TPCN1: variants seen among roughly 807,000 people sequenced by gnomAD.
TPCN1 encodes two pore segment channel 1.
A neutral mutation model predicts 108.8 loss-of-function variants in TPCN1; 52 were observed. The observed-to-expected ratio is 0.48, with a 90% confidence interval of 0.38 to 0.60. The LOEUF is 0.60. Among genes scored for constraint, TPCN1 ranks in the 20% least tolerant of loss-of-function variants. TPCN1 has a pLI of 0.00. For synonymous variants in TPCN1, 446 were observed against 433.7 expected (o/e 1.03, Z -0.35); for missense variants, 806 against 1,072.8 (o/e 0.75, Z 3.47).
At chr12:113,251,027 G>A (rs1335926056) in intron 2 of TPCN1, among the ~76,000 whole-genome samples, 3 of 151,948 alleles carry the variant, frequency 2.0e-5, no homozygotes, top group Non-Finnish European at 4.4e-5. Context: ...TTCCGGCCAG[G>A]TGCAGTGGCT....
Position 113,232,490 on chromosome 12 carries a change from G to A in TPCN1, c.112+5526G>A, listed in dbSNP as rs1047187119. ...GAGAAGAATACACCCCGAGGTGTGC[G>A]CTCCATCACTGATGTCTGTGCCGTG... On this transcript the variant is annotated intron_variant, in intron 2 of 27. Coordinates refer to ENST00000335509, the MANE Select transcript of TPCN1 (RefSeq NM_017901.6). This position sits in a 1 kb window ranked among gnomAD's most constrained non-coding sequence, Gnocchi z 5.6. Among the ~76,000 whole-genome samples the A allele has an allele frequency of 3.9e-5, 6 of 152,370 alleles. 1 individual carries two copies. The highest frequency in any genetic ancestry group is 4.1e-4 in the South Asian group (2 of 4,832).
intron 2 of TPCN1, among the ~76,000 whole-genome samples, chr12:113,242,718 CT>C (rs1954198031): frequency 6.6e-6 from 1 of 152,190 alleles, no homozygotes; most frequent in African/African-American, 2.4e-5. Flanking sequence ...TCTCTGTGCT[CT>C]CTGAATGACT....
intron 26 of TPCN1, 29 bp downstream of exon 26, chr12:113,293,102 A>C: frequency 6.2e-7 from 1 of 1,604,382 alleles, no homozygotes; most frequent in Non-Finnish European, 8.5e-7. Flanking sequence ...GGTCCGAAGG[A>C]GGGAGGCAGG....
Position 113,268,654 on chromosome 12 carries a change from G to A in TPCN1, c.529-88G>A. 4 of 1,538,672 alleles carry A rather than the reference G, an allele frequency of 2.6e-6. No individual in the cohort carries two copies. Among genetic ancestry groups the A allele is most frequent in the Non-Finnish European group, 3.5e-6 (4 of 1,133,492 alleles). ...AGAAGGCCTCCCGAGGCCAGAGTGG[G>A]CACTGCCTCTCCAGCCCCCCGTTCC... On this transcript the variant is annotated intron_variant, in intron 5 of 27. Coordinates refer to ENST00000335509, the MANE Select transcript of TPCN1 (RefSeq NM_017901.6). This position sits in a 1 kb window ranked among gnomAD's most constrained non-coding sequence, Gnocchi z 7.3.
At chr12:113,254,620 G>A (rs1163318316) in intron 2 of TPCN1, among the ~76,000 whole-genome samples, 5 of 152,132 alleles carry the variant, frequency 3.3e-5, no homozygotes, top group Non-Finnish European at 5.9e-5. Context: ...AAGTATTTCC[G>A]ATTTTTAATT....
chr12:113,271,786 G>A (rs1011565429), intron 7 of TPCN1, among the ~76,000 whole-genome samples: 5 of 152,194 alleles, frequency 3.3e-5, no homozygotes, highest in Admixed American at 6.5e-5. Context: ...CCTGAGAGAC[G>A]GCAAGCTTCA....
At chr12:113,247,215 G>A (rs73439840) in intron 2 of TPCN1, among the ~76,000 whole-genome samples, 1,524 of 152,262 alleles carry the variant, frequency 0.01, 28 homozygotes, top group African/African-American at 0.034. Flanking sequence ...TAGTTCCCAC[G>A]TGGAGGGTAT....
At position 113,280,166 on chromosome 12, in the gene TPCN1, T is replaced by C; in HGVS notation, c.1313T>C (p.Val438Ala). 1 of 1,608,770 alleles carries C rather than the reference T, an allele frequency of 6.2e-7. No individual in the cohort carries two copies. Among genetic ancestry groups the C allele is most frequent in the South Asian group, 1.1e-5 (1 of 90,802 alleles). Residue 438 changes from valine to alanine, a missense_variant, in exon 15 of 28, where the codon GTG (valine) becomes GCG (alanine). Coordinates refer to ENST00000335509, the MANE Select transcript of TPCN1 (RefSeq NM_017901.6). ...CTTCAAATAGGTATTAATATCCTTG[T>C]GAAGTCCAAGGCCTTCCAGTATTTC... ...LLIFKGINIL[V>A]KSKAFQYFMY...
intron 2 of TPCN1, chr12:113,244,865 C>A: frequency 4.4e-6 from 3 of 686,448 alleles, no homozygotes; most frequent in Non-Finnish European, 5.4e-6. Flanking sequence ...GGAGGAGGCA[C>A]AGCTGGAGTG....
intron 2 of TPCN1, among the ~76,000 whole-genome samples, chr12:113,242,699 C>CT (rs77447310): frequency 0.027 from 4,068 of 152,286 alleles, 162 homozygotes; most frequent in East Asian, 0.15. Context: ...ACGTGCCCTG[C>CT]TGTTGAAGTC....
rs1955583972 is a variant in TPCN1 at position 113,273,761 on chromosome 12, C to T, written c.942+93C>T. On this transcript the variant is annotated intron_variant, in intron 10 of 27. Transcript: ENST00000335509. The surrounding 1 kb of genome is among the most constrained non-coding windows in gnomAD (Gnocchi z 4.0). ...GGAGTGGAGAAGTGGGGACTGTCTT[C>T]TGCCTCTCAGGGCAGAACGTTGGGG... 4 of 1,052,836 alleles carry T rather than the reference C, an allele frequency of 3.8e-6. No homozygotes were observed. Among genetic ancestry groups the T allele is most frequent in the South Asian group, 2.5e-5 (2 of 80,008 alleles). The allele number at this position is 1,052,836 out of a possible 1,614,324, so 65.2% of individuals were successfully genotyped here. A position where few individuals can be genotyped will look rare whatever the true frequency, so the allele number is the denominator to read the frequency against.
intron 23 of TPCN1, 27 bp downstream of exon 23, chr12:113,291,025 A>G: frequency 1.2e-6 from 2 of 1,611,756 alleles, no homozygotes; most frequent in Non-Finnish European, 1.7e-6. Context: ...CTCTGGGGGT[A>G]TCTTCCCGCC....
At chr12:113,249,065 C>A (rs545071321) in intron 2 of TPCN1, among the ~76,000 whole-genome samples, 1 of 152,108 alleles carries the variant, frequency 6.6e-6, no homozygotes. Flanking sequence ...TGAGGCCCCT[C>A]CTGCCCCAAG....
At chr12:113,226,350 T>C (rs1953470058) in intron 1 of TPCN1, among the ~76,000 whole-genome samples, 1 of 152,210 alleles carries the variant, frequency 6.6e-6, no homozygotes, top group African/African-American at 2.4e-5. Flanking sequence ...GCATGATCTC[T>C]GCTCACTGCA....
chr12:113,297,791 C>G lies in TPCN1; in HGVS notation c.*1715C>G, dbSNP rs541973859. The stretch of plus-strand genomic sequence containing the variant: ...CTCCACATCGAGCCCCAGGCCAGAA[C>G]CCCCTCCCTTTCACAGAGAGGGAAC... On this transcript the variant is annotated 3_prime_UTR_variant, in exon 28 of 28. Transcript: ENST00000335509. The surrounding 1 kb of genome is among the most constrained non-coding windows in gnomAD (Gnocchi z 4.4). The G allele has an allele frequency of 1.1e-4, 17 of 152,482 alleles. No homozygotes were observed. Among genetic ancestry groups the G allele is most frequent in the African/African-American group, 4.1e-4 (17 of 41,596 alleles). The allele number at this position is 152,482 out of a possible 1,614,324, so 9.4% of individuals were successfully genotyped here. A position where few individuals can be genotyped will look rare whatever the true frequency, so the allele number is the denominator to read the frequency against.
intron 2 of TPCN1, among the ~76,000 whole-genome samples, chr12:113,240,009 T>C (rs1954047594): frequency 1.3e-5 from 2 of 152,124 alleles, no homozygotes; most frequent in African/African-American, 4.8e-5. Context: ...AAGCATGATG[T>C]CTTCTCTCTG....
intron 15 of TPCN1, among the ~76,000 whole-genome samples, chr12:113,282,449 G>A (rs1050422894): frequency 2.6e-5 from 4 of 151,540 alleles, no homozygotes; most frequent in African/African-American, 9.7e-5. Flanking sequence ...ATTGCTTTTG[G>A]CATTTAATTT....
At chr12:113,248,986 T>A (rs1189003009) in intron 2 of TPCN1, among the ~76,000 whole-genome samples, 1 of 152,156 alleles carries the variant, frequency 6.6e-6, no homozygotes, top group Non-Finnish European at 1.5e-5. Context: ...CGAGGTCTTG[T>A]GGGCCAGGTG....
At chr12:113,230,500 T>A (rs1341025474) in intron 2 of TPCN1, among the ~76,000 whole-genome samples, 1 of 152,118 alleles carries the variant, frequency 6.6e-6, no homozygotes, top group Non-Finnish European at 1.5e-5. Flanking sequence ...GGTTACCTTT[T>A]TGCTGTGTCC....
Sources: gnomAD v4.1 joint callset for allele counts (sites outside exome capture counted in the v4.1 genomes callset) on GRCh38, gnomAD v4.1.1 for gene constraint, Gnocchi (gnomAD v3.1) non-coding constraint, MANE v1.5 for transcripts, NCBI Gene and HGNC (gene_info 2026-07-23, HGNC 2026-07-21) for gene names.